Variants in DPYS observed in about 807,000 individuals in gnomAD.
DPYS encodes dihydropyrimidinase.
DPYS carries 39 observed loss-of-function variants against 50.3 expected under a neutral mutation model. The observed-to-expected ratio is 0.78, with a 90% confidence interval of 0.60 to 1.01. The LOEUF is 1.01. DPYS is among the 50% of genes least tolerant of loss of function. DPYS has a pLI of 0.00. For synonymous variants in DPYS, 245 were observed against 250.7 expected (o/e 0.98, Z 0.22); for missense variants, 659 against 680.9 (o/e 0.97, Z 0.36).
intron 4 of DPYS, among the ~76,000 whole-genome samples, chr8:104,431,198 TCACTTGGCC>T (rs1342622627): frequency 6.6e-6 from 1 of 152,132 alleles, no homozygotes; most frequent in East Asian, 1.9e-4. Context: ...TTCTATTCAA[TCACTTGGCC>T]CATCAAGGTG....
At chr8:104,434,647 A>G (rs1361695239) in intron 4 of DPYS, among the ~76,000 whole-genome samples, 1 of 152,212 alleles carries the variant, frequency 6.6e-6, no homozygotes, top group Non-Finnish European at 1.5e-5. Flanking sequence ...AACACATTAA[A>G]CAACCACAAT....
intron 7 of DPYS, among the ~76,000 whole-genome samples, chr8:104,403,890 G>A (rs559223836): frequency 6.6e-6 from 1 of 152,284 alleles, no homozygotes; most frequent in South Asian, 2.1e-4. Context: ...AGAACTTCAA[G>A]TTCTGCAATC....
At chr8:104,413,060 T>G (rs1188140268) in intron 7 of DPYS, among the ~76,000 whole-genome samples, 1 of 152,166 alleles carries the variant, frequency 6.6e-6, no homozygotes, top group Admixed American at 6.5e-5. Context: ...AGGGGATAGA[T>G]GAATGCCCCA....
chr8:104,456,475 G>C (rs1813929861), intron 1 of DPYS, among the ~76,000 whole-genome samples: 1 of 152,202 alleles, frequency 6.6e-6, no homozygotes, highest in Non-Finnish European at 1.5e-5. Context: ...CTAGGAGCAG[G>C]AAAGAGACAG....
At chr8:104,408,806 GT>G (rs1386136267) in intron 7 of DPYS, among the ~76,000 whole-genome samples, 1 of 145,660 alleles carries the variant, frequency 6.9e-6, no homozygotes, top group Non-Finnish European at 1.5e-5. Flanking sequence ...CTCCAAACAT[GT>G]TTTTTTGTTT....
intron 4 of DPYS, among the ~76,000 whole-genome samples, chr8:104,438,823 C>T (rs1813243709): frequency 6.6e-6 from 1 of 152,130 alleles, no homozygotes; most frequent in Non-Finnish European, 1.5e-5. Context: ...TGGCTCACAG[C>T]TCTAATCCCA....
chr8:104,462,870 T>C (rs1033584373), intron 1 of DPYS, among the ~76,000 whole-genome samples: 5 of 152,274 alleles, frequency 3.3e-5, no homozygotes, highest in Non-Finnish European at 5.9e-5. Flanking sequence ...AAATGAAATA[T>C]GATTTCTTTA....
chr8:104,388,611 T>C (rs1350569638), intron 8 of DPYS, among the ~76,000 whole-genome samples: 1 of 152,186 alleles, frequency 6.6e-6, no homozygotes, highest in East Asian at 1.9e-4. Context: ...TTTCTTTCCT[T>C]AAACAACTTT....
rs116573863 is a variant in DPYS at position 104,454,442 on chromosome 8, C to T, written c.265-3038G>A. The stretch of plus-strand genomic sequence containing the variant: ...ACAATTGATTGTGGTGATGCTTGCA[C>T]AATTCTGTGAACATACTAAAAGCCA... On this transcript the variant is annotated intron_variant, in intron 1 of 9. Coordinates refer to ENST00000351513, the MANE Select transcript of DPYS (RefSeq NM_001385.3). Among the ~76,000 whole-genome samples, 619 of 152,244 alleles carry T rather than the reference C, an allele frequency of 4.1e-3. 5 individuals are homozygous for T. The highest frequency in any genetic ancestry group is 0.014 in the African/African-American group (599 of 41,552).
intron 7 of DPYS, among the ~76,000 whole-genome samples, chr8:104,398,450 C>T (rs1811661995): frequency 6.6e-6 from 1 of 152,378 alleles, no homozygotes; most frequent in South Asian, 2.1e-4. Context: ...CTCTAGCCCT[C>T]CTGGAGAGTC....
At position 104,424,252 on chromosome 8, in the gene DPYS, G is replaced by T. The variant is rs747494363; in HGVS notation, c.1230C>A (p.Gly410=). 6.8e-6 allele frequency: 11 copies of T among 1,613,918 alleles called. No individual in the cohort carries two copies. In the African/African-American group the frequency reaches 1.2e-4, roughly 18 times the overall value. ...DADIVIWDPK[G]TRTISAKTHH... The stretch of plus-strand genomic sequence containing the variant: ...ATACAAGAACTTAGACTTACCTTGT[G>T]CCTTTTGGGTCCCAAATAACAATGT... Residue 410 remains glycine, a synonymous_variant, in exon 7 of 10, where the codon GGC becomes GGA. Coordinates refer to ENST00000351513, the MANE Select transcript of DPYS (RefSeq NM_001385.3).
chr8:104,385,615 C>T (rs1358142245), intron 8 of DPYS, among the ~76,000 whole-genome samples: 1 of 152,154 alleles, frequency 6.6e-6, no homozygotes, highest in Admixed American at 6.5e-5. Flanking sequence ...GAATGTTTGT[C>T]CCCTCTCAAA....
intron 5 of DPYS, among the ~76,000 whole-genome samples, chr8:104,428,559 G>T (rs1308061746): frequency 6.6e-6 from 1 of 152,240 alleles, no homozygotes; most frequent in Non-Finnish European, 1.5e-5. Flanking sequence ...ATGAATGGAG[G>T]GCAGGCCCTC....
intron 7 of DPYS, among the ~76,000 whole-genome samples, chr8:104,396,049 G>A (rs1811574050): frequency 6.6e-6 from 1 of 152,148 alleles, no homozygotes; most frequent in African/African-American, 2.4e-5. Context: ...AGTATAGAAT[G>A]AGTTATGATG....
chr8:104,416,472 C>A (rs1197395338), intron 7 of DPYS, among the ~76,000 whole-genome samples: 1 of 152,164 alleles, frequency 6.6e-6, no homozygotes, highest in African/African-American at 2.4e-5. Context: ...TGGCATAAAT[C>A]ATATTCATTT....
At chr8:104,461,695 T>A (rs77993779) in intron 1 of DPYS, among the ~76,000 whole-genome samples, 20,845 of 151,864 alleles carry the variant, frequency 0.14, 1,628 homozygotes, top group Middle Eastern at 0.26. Context: ...ACATGCTGAG[T>A]TTGAGGTGCT....
At chr8:104,430,473 C>T (rs1373407967) in intron 4 of DPYS, among the ~76,000 whole-genome samples, 4 of 152,116 alleles carry the variant, frequency 2.6e-5, no homozygotes, top group Non-Finnish European at 4.4e-5. Flanking sequence ...GGTTTGTTGG[C>T]ATCAACCTGA....
intron 3 of DPYS, 133 bp downstream of exon 3, chr8:104,447,191 C>A (rs1813560352): frequency 8.4e-7 from 1 of 1,186,926 alleles, no homozygotes. Context: ...CGTTTCCGAG[C>A]CACGGAAAAT....
intron 7 of DPYS, among the ~76,000 whole-genome samples, chr8:104,405,167 T>C (rs1004501997): frequency 6.6e-6 from 1 of 152,212 alleles, no homozygotes; most frequent in East Asian, 1.9e-4. Context: ...CCACTATCCA[T>C]GAAGCATCTC....
Sources: gnomAD v4.1 joint callset for allele counts (sites outside exome capture counted in the v4.1 genomes callset) on GRCh38, gnomAD v4.1.1 for gene constraint, MANE v1.5 for transcripts, NCBI Gene and HGNC (gene_info 2026-07-23, HGNC 2026-07-21) for gene names.